GCNT4: variants seen among roughly 807,000 people sequenced by gnomAD.
GCNT4 encodes glucosaminyl (N-acetyl) transferase 4.
In GCNT4, 17 loss-of-function variants were observed where a neutral mutation model predicts 31.3. The ratio of observed to expected loss-of-function variants is 0.54; its 90% CI spans 0.37 to 0.81. The LOEUF (loss-of-function observed/expected upper bound fraction) is 0.81. Among genes scored for constraint, GCNT4 ranks in the 40% least tolerant of loss-of-function variants. The pLI is 0.00. For missense variants in GCNT4, 503 were observed against 525.5 expected (o/e 0.96, Z 0.42); for synonymous variants, 158 against 190.6 (o/e 0.83, Z 1.41).
downstream of GCNT4, among the ~76,000 whole-genome samples, chr5:75,022,158 G>A (rs549386840): frequency 1.3e-5 from 2 of 152,072 alleles, no homozygotes; most frequent in East Asian, 3.9e-4. Flanking sequence ...CATGATTTCA[G>A]GTTACTCACA....
At chr5:75,035,393 C>A (rs1743174033) in intron 3 of GCNT4, among the ~76,000 whole-genome samples, 1 of 152,154 alleles carries the variant, frequency 6.6e-6, no homozygotes, top group Admixed American at 6.5e-5. Context: ...GTTTAGGGAC[C>A]AAGAATGCCT....
At chr5:75,046,303 C>T (rs895774795) in intron 3 of GCNT4, among the ~76,000 whole-genome samples, 2 of 152,108 alleles carry the variant, frequency 1.3e-5, no homozygotes, top group African/African-American at 4.8e-5. Context: ...CCTCCTTGTT[C>T]CACTGAGGTA....
intron 3 of GCNT4, among the ~76,000 whole-genome samples, chr5:75,033,685 TTAC>T: frequency 6.8e-6 from 1 of 146,070 alleles, no homozygotes. Flanking sequence ...TTTTTTTTTT[TTAC>T]TTTAAGTTCT....
rs557961142 is a variant in GCNT4, at chr5:75,039,154, G to A, written c.-2+8743C>T. Among the ~76,000 whole-genome samples the A allele has an allele frequency of 3.7e-4, 56 of 151,838 alleles. 2 individuals carry two copies. Among genetic ancestry groups the A allele is most frequent in the East Asian group, 1.9e-4 (1 of 5,152 alleles). The stretch of plus-strand genomic sequence containing the variant: ...CGCTGGAGTGCAATGGCACAATCTC[G>A]GCTCACTGCAACCTCTGTCTCCCAG... On this transcript the variant is annotated intron_variant, in intron 3 of 3. Transcript: ENST00000652361.
intron 3 of GCNT4, among the ~76,000 whole-genome samples, chr5:75,045,349 A>G (rs1180652049): frequency 2.0e-5 from 3 of 152,140 alleles, no homozygotes; most frequent in Non-Finnish European, 2.9e-5. Flanking sequence ...AAATTTGTTT[A>G]CTCTAGGCCT....
downstream of GCNT4, among the ~76,000 whole-genome samples, chr5:75,025,153 T>G (rs1215479192): frequency 6.6e-6 from 1 of 152,182 alleles, no homozygotes; most frequent in East Asian, 1.9e-4. Context: ...CCTGGAAGAC[T>G]CTTTGAGACT....
chr5:75,045,984 A>T (rs1743429819), intron 3 of GCNT4, among the ~76,000 whole-genome samples: 1 of 152,184 alleles, frequency 6.6e-6, no homozygotes, highest in South Asian at 2.1e-4. Context: ...ATGGATGTTC[A>T]ATTCAATGAA....
Position 75,029,987 on chromosome 5 carries a change from G to A in GCNT4, c.51C>T (p.Phe17=), listed in dbSNP as rs761443156. The A allele has an allele frequency of 3.1e-6, 5 of 1,611,868 alleles. No individual in the cohort carries two copies. Among genetic ancestry groups the A allele is most frequent in the Non-Finnish European group, 8.5e-7 (1 of 1,179,440 alleles). The change falls in exon 4 of 4, where the codon TTC becomes TTT. Residue 17 remains phenylalanine (F), a synonymous_variant. Transcript: ENST00000652361. The part of the protein sequence containing the change: ...YFKHTLQQKV[F]ILFLTLWLLS... Reference sequence around the variant, plus strand: ...GCAGCCATAGGGTTAAAAACAGGATGAAAACTTTCTGCTGTAGGGTATGTT... The same window carrying A: ...GCAGCCATAGGGTTAAAAACAGGATAAAAACTTTCTGCTGTAGGGTATGTT...
At chr5:75,045,440 G>T (rs536253679) in intron 3 of GCNT4, among the ~76,000 whole-genome samples, 18 of 152,304 alleles carry the variant, frequency 1.2e-4, no homozygotes, top group African/African-American at 3.9e-4. Flanking sequence ...GTTCATCCAT[G>T]TTGTAGTGTG....
intron 3 of GCNT4, among the ~76,000 whole-genome samples, chr5:75,031,783 G>A (rs1159561909): frequency 3.9e-5 from 6 of 152,140 alleles, no homozygotes; most frequent in Non-Finnish European, 7.4e-5. Flanking sequence ...GTACTTATAG[G>A]GAGCAGCAAG....
At chr5:75,023,233 T>C (rs188289904), downstream of GCNT4, among the ~76,000 whole-genome samples, 4 of 152,322 alleles carry the variant, frequency 2.6e-5, no homozygotes, top group East Asian at 7.7e-4. Context: ...GAAAAACTAC[T>C]TCCTTGTTTT....
intron 3 of GCNT4, among the ~76,000 whole-genome samples, chr5:75,035,606 T>C (rs74482537): frequency 0.051 from 7,755 of 152,274 alleles, 648 homozygotes; most frequent in African/African-American, 0.17. Context: ...TGTGGCCAGA[T>C]TGCTTTTTAA....
downstream of GCNT4, among the ~76,000 whole-genome samples, chr5:75,021,523 G>C (rs1241632897): frequency 6.6e-6 from 1 of 152,164 alleles, no homozygotes; most frequent in African/African-American, 2.4e-5. Context: ...GGGCTGAGTA[G>C]ACAGAAACAC....
Position 75,049,154 on chromosome 5 carries a change from C to G in GCNT4, c.-142-1117G>C, listed in dbSNP as rs116133040. On this transcript the variant is annotated intron_variant, in intron 2 of 3. Transcript: ENST00000652361. ...TTGTGATTAAGATTGTTCTTTTTAA[C>G]ATTTCATATCGCTTAGCAGAAATTC... 7.2e-3 allele frequency among the ~76,000 whole-genome samples: 1,102 copies of G among 152,242 alleles called. 3 individuals are homozygous for G. The highest frequency in any genetic ancestry group is 0.011 in the Non-Finnish European group (780 of 68,018).
At chr5:75,038,144 A>G (rs1381787797) in intron 3 of GCNT4, among the ~76,000 whole-genome samples, 2 of 152,094 alleles carry the variant, frequency 1.3e-5, no homozygotes, top group South Asian at 4.1e-4. Context: ...ATTTCACAGT[A>G]TATTATGAAC....
chr5:75,029,621 G>A lies in GCNT4; in HGVS notation c.417C>T (p.Val139=). The A allele has an allele frequency of 1.2e-6, 2 of 1,614,106 alleles. No homozygotes were observed. Among genetic ancestry groups the A allele is most frequent in the Admixed American group, 1.7e-5 (1 of 60,020 alleles). Residue 139 remains valine (V), a synonymous_variant, in exon 4 of 4, where the codon GTC becomes GTT. Transcript: ENST00000652361. ...KSFPIAYSLV[V]HKDAIMVERL... ...TTTCAACCATAATTGCATCTTTGTG[G>A]ACAACCAAAGAATAGGCTATTGGGA...
At chr5:75,017,786 A>G in the GCNT4 span, among the ~76,000 whole-genome samples, 1 of 152,280 alleles carries the variant, frequency 6.6e-6, no homozygotes, top group South Asian at 2.1e-4. Context: ...TCCTGCTGCC[A>G]CTACAGCCTC....
the GCNT4 span, among the ~76,000 whole-genome samples, chr5:75,019,686 C>CTGTAAGA: frequency 2.0e-5 from 3 of 152,152 alleles, no homozygotes; most frequent in African/African-American, 7.2e-5. Context: ...TGCCTGGAAT[C>CTGTAAGA]TGTAAGATTT....
chr5:75,022,667 C>A (rs1394917206), downstream of GCNT4, among the ~76,000 whole-genome samples: 1 of 152,172 alleles, frequency 6.6e-6, no homozygotes, highest in African/African-American at 2.4e-5. Context: ...GTGTCCTAGA[C>A]AAACATTGTG....
Sources: allele counts gnomAD v4.1 joint callset (sites outside exome capture counted in the v4.1 genomes callset), GRCh38; gene constraint gnomAD v4.1.1; transcripts MANE v1.5; gene names NCBI Gene and HGNC (gene_info 2026-07-23, HGNC 2026-07-21).